The following NEURL1 variants were observed in gnomAD, a reference collection of about 807,000 sequenced individuals.
The protein encoded by NEURL1 is neuralized E3 ubiquitin protein ligase 1.
Under a neutral mutation model 41.2 loss-of-function variants are expected in NEURL1, and 26 were observed. The observed-to-expected ratio is 0.63, with a 90% CI of 0.46 to 0.87. The LOEUF is 0.87. Ranked by LOEUF, NEURL1 falls within the 40% of genes least tolerant of loss-of-function variation. NEURL1 has a pLI of 0.00. For missense variants in NEURL1, 761 were observed against 871.1 expected (o/e 0.87, Z 1.59); for synonymous variants, 400 against 402.3 (o/e 0.99, Z 0.07).
At chr10:103,524,091 C>A (rs2034413356) in intron 1 of NEURL1, among the ~76,000 whole-genome samples, 1 of 152,096 alleles carries the variant, frequency 6.6e-6, no homozygotes. Flanking sequence ...TGCCTCCTTG[C>A]CAGCATTTGT....
Position 103,514,671 on chromosome 10 carries a change from T to C in NEURL1, c.85+20199T>C, listed in dbSNP as rs949495949. The stretch of plus-strand genomic sequence containing the variant: ...TGGCACTGTGGCAAGGGAGTGAGAT[T>C]GACAGGCAGATCTTGGGTTCAAACC... On this transcript the variant is annotated intron_variant, in intron 1 of 5. Transcript: ENST00000369780. Among the ~76,000 whole-genome samples the C allele has an allele frequency of 2.6e-5, 4 of 152,202 alleles. No individual in the cohort carries two copies. The East Asian group carries it at 7.7e-4, about 29-fold the overall frequency.
chr10:103,565,785 G>A (rs1210127305), intron 1 of NEURL1, among the ~76,000 whole-genome samples: 1 of 152,048 alleles, frequency 6.6e-6, no homozygotes, highest in Non-Finnish European at 1.5e-5. Context: ...TGAGCAGCTG[G>A]GACTGCAGGT....
chr10:103,571,369 T>C, intron 2 of NEURL1, 132 bp from the exon 3 acceptor site: 1 of 1,073,052 alleles, frequency 9.3e-7, no homozygotes. Flanking sequence ...GGAGGGCTCC[T>C]GGGAGGGAAC....
At chr10:103,559,714 G>A (rs1251741619) in intron 1 of NEURL1, among the ~76,000 whole-genome samples, 1 of 152,208 alleles carries the variant, frequency 6.6e-6, no homozygotes, top group Non-Finnish European at 1.5e-5. Context: ...AGGATTAAGT[G>A]AGCCAGTGGA....
chr10:103,579,067 C>T (rs1450462457), intron 3 of NEURL1, among the ~76,000 whole-genome samples: 1 of 152,238 alleles, frequency 6.6e-6, no homozygotes, highest in African/African-American at 2.4e-5. Flanking sequence ...GAGGCCCCGG[C>T]CTGCCCTGAG....
chr10:103,512,231 G>A (rs991395172), intron 1 of NEURL1: 1 of 152,470 alleles, frequency 6.6e-6, no homozygotes, highest in African/African-American at 2.4e-5. Context: ...GAACTTCCAG[G>A]AGAAGGGGTT....
intron 1 of NEURL1, among the ~76,000 whole-genome samples, chr10:103,501,618 T>TTTTTTATTATTATTATTATTATTATTA (rs372200333): frequency 1.4e-5 from 2 of 142,596 alleles, no homozygotes; most frequent in African/African-American, 5.2e-5. Context: ...TCCCACTTTA[T>TTTTTTATTATTATTATTATTATTATTA]TTATTATTAT....
At chr10:103,553,495 T>C (rs1315852695) in intron 1 of NEURL1, among the ~76,000 whole-genome samples, 2 of 151,442 alleles carry the variant, frequency 1.3e-5, no homozygotes, top group Non-Finnish European at 3.0e-5. Flanking sequence ...TCGTGGCTTC[T>C]CCCGGAAGTC....
rs2036054444 is a variant in NEURL1, at chr10:103,591,758, G to A, written c.*1386G>A. On this transcript the variant is annotated 3_prime_UTR_variant, in exon 6 of 6. Coordinates refer to ENST00000369780, the MANE Select transcript of NEURL1 (RefSeq NM_004210.5). ...AGCTGGGTTATCATGGTTGGCTTAG[G>A]TACCTCAGGTGGCCCAGGAGGTCCC... 1 of 152,274 alleles carries A rather than the reference G, an allele frequency of 6.6e-6. No individual in the cohort carries two copies. The highest frequency in any genetic ancestry group is 6.5e-5 in the Admixed American group (1 of 15,292). 9.4% of individuals were successfully genotyped at this position (152,274 alleles called of 1,614,324 possible).
intron 1 of NEURL1, among the ~76,000 whole-genome samples, chr10:103,527,986 G>A (rs1320312649): frequency 6.6e-6 from 1 of 152,152 alleles, no homozygotes; most frequent in African/African-American, 2.4e-5. Flanking sequence ...TTGGGAGGCC[G>A]AGGTGGACCA....
intron 3 of NEURL1, 51 bp from the exon 4 acceptor site, chr10:103,584,485 G>T (rs370544663): frequency 4.1e-6 from 5 of 1,224,740 alleles, no homozygotes; most frequent in African/African-American, 3.2e-5. Flanking sequence ...GGGCGCGCCG[G>T]GGCCGCCTCC....
intron 4 of NEURL1, among the ~76,000 whole-genome samples, chr10:103,587,407 G>A (rs899076553): frequency 1.3e-5 from 2 of 152,210 alleles, no homozygotes; most frequent in African/African-American, 4.8e-5. Flanking sequence ...CAAGGTGGGT[G>A]TTGAAGAAGA....
rs1403597335 is a variant in NEURL1 at position 103,545,521 on chromosome 10, T to G, written c.86-25351T>G. On this transcript the variant is annotated intron_variant, in intron 1 of 5. Coordinates refer to ENST00000369780, the MANE Select transcript of NEURL1 (RefSeq NM_004210.5). This position sits in a 1 kb window ranked among gnomAD's most constrained non-coding sequence, Gnocchi z 4.5. Reference sequence around the variant, plus strand: ...CTGAGAGGCACTGCATGGACCCCATTACTCACAGGTACCTCTGTGCCTGGG... The same window carrying G: ...CTGAGAGGCACTGCATGGACCCCATGACTCACAGGTACCTCTGTGCCTGGG... 1.3e-5 allele frequency among the ~76,000 whole-genome samples: 2 copies of G among 152,144 alleles called. No homozygotes were observed. Among genetic ancestry groups the G allele is most frequent in the Admixed American group, 6.5e-5 (1 of 15,282 alleles).
intron 1 of NEURL1, among the ~76,000 whole-genome samples, chr10:103,533,819 A>T (rs1417674451): frequency 6.6e-6 from 1 of 152,012 alleles, no homozygotes; most frequent in Non-Finnish European, 1.5e-5. Flanking sequence ...TACAGGCTTG[A>T]GCCACCGCTC....
chr10:103,544,374 A>T (rs1044294877), intron 1 of NEURL1, among the ~76,000 whole-genome samples: 3 of 152,058 alleles, frequency 2.0e-5, no homozygotes. Context: ...TGGGTTTCCC[A>T]CCAGACCCTG....
chr10:103,525,747 T>C (rs1234783799), intron 1 of NEURL1, among the ~76,000 whole-genome samples: 2 of 152,214 alleles, frequency 1.3e-5, no homozygotes, highest in East Asian at 3.8e-4. Context: ...TTTTTTCTCT[T>C]CCTTAATTGC....
chr10:103,505,220 ATTTTTT>A (rs34595199), intron 1 of NEURL1, among the ~76,000 whole-genome samples: 1 of 128,638 alleles, frequency 7.8e-6, no homozygotes, highest in Non-Finnish European at 1.6e-5. Flanking sequence ...AGCCCAGCTA[ATTTTTT>A]TTTTTTTTTT....
chr10:103,497,433 C>T (rs2986045), intron 1 of NEURL1, among the ~76,000 whole-genome samples: 1,666 of 152,200 alleles, frequency 0.011, 45 homozygotes, highest in African/African-American at 0.038. Context: ...TGATTTTTTT[C>T]TCTCCTTACA....
chr10:103,529,841 T>C (rs1240929167), intron 1 of NEURL1, among the ~76,000 whole-genome samples: 1 of 152,158 alleles, frequency 6.6e-6, no homozygotes, highest in Admixed American at 6.5e-5. Context: ...TTCAGTATCA[T>C]CCCTTTGTGA....
Sources: gnomAD v4.1 joint callset for allele counts (sites outside exome capture counted in the v4.1 genomes callset) on GRCh38, gnomAD v4.1.1 for gene constraint, Gnocchi (gnomAD v3.1) non-coding constraint, MANE v1.5 for transcripts, NCBI Gene and HGNC (gene_info 2026-07-23, HGNC 2026-07-21) for gene names.